THADA: variants seen among roughly 807,000 people sequenced by gnomAD.
The protein encoded by THADA is THADA armadillo repeat containing, also known as tRNA (32-2'-O)-methyltransferase regulator THADA.
Under a neutral mutation model 219.8 loss-of-function variants are expected in THADA, and 213 were observed. That is an observed-to-expected ratio of 0.97 (90% CI 0.87 to 1.09). The LOEUF (loss-of-function observed/expected upper bound fraction) is 1.09. THADA is among the 50% of genes least tolerant of loss of function. The pLI, the probability that THADA is intolerant of heterozygous loss-of-function variation, is 0.00. For synonymous variants in THADA, 1,018 were observed against 828.9 expected (o/e 1.23, Z -3.92); for missense variants, 2,956 against 2,311.3 (o/e 1.28, Z -5.72).
chr2:43,376,409 A>G (rs1199150704), intron 29 of THADA, among the ~76,000 whole-genome samples: 1 of 152,238 alleles, frequency 6.6e-6, no homozygotes, highest in Non-Finnish European at 1.5e-5. Flanking sequence ...AATACACAGA[A>G]GCAATGTCCC....
intron 36 of THADA, among the ~76,000 whole-genome samples, chr2:43,238,919 G>A (rs1447531843): frequency 1.3e-5 from 2 of 151,958 alleles, no homozygotes; most frequent in Non-Finnish European, 2.9e-5. Flanking sequence ...GGAGGAAGAC[G>A]TCAATGTGGG....
chr2:43,566,064 G>A lies in THADA; in HGVS notation c.2311+634C>T, dbSNP rs140321172. On this transcript the variant is annotated intron_variant, in intron 15 of 37. Coordinates refer to ENST00000405975, the MANE Select transcript of THADA (RefSeq NM_022065.5). The stretch of plus-strand genomic sequence containing the variant: ...GATCACGCCACCACACTCCAGCCTG[G>A]GCAACAGAGCTAGACTCTGTCTCAA... 116 of 162,556 alleles carry A rather than the reference G, an allele frequency of 7.1e-4. 1 individual carries two copies. Among genetic ancestry groups the A allele is most frequent in the African/African-American group, 2.5e-3 (106 of 41,742 alleles). The allele number at this position is 162,556 out of a possible 1,614,324, so 10.1% of individuals were successfully genotyped here.
At chr2:43,458,530 C>G (rs772468503) in intron 26 of THADA, among the ~76,000 whole-genome samples, 2 of 152,162 alleles carry the variant, frequency 1.3e-5, no homozygotes, top group Non-Finnish European at 2.9e-5. Context: ...TCTGCAAGTA[C>G]TTTGAAATCA....
intron 26 of THADA, among the ~76,000 whole-genome samples, chr2:43,437,084 T>C (rs889120137): frequency 1.3e-5 from 2 of 152,216 alleles, no homozygotes; most frequent in Non-Finnish European, 2.9e-5. Flanking sequence ...GGTTGGTTAC[T>C]CCTGCTATAA....
rs371326573 is a variant in THADA, at chr2:43,578,547, G to C, written c.782C>G (p.Thr261Ser). 2 of 1,612,576 alleles carry C rather than the reference G, an allele frequency of 1.2e-6. No homozygotes were observed. Among genetic ancestry groups the C allele is most frequent in the Non-Finnish European group, 1.7e-6 (2 of 1,178,938 alleles). The change falls in exon 9 of 38, where the codon ACT (threonine) becomes AGT (serine). Residue 261 changes from threonine (T) to serine (S), a missense_variant. By Grantham distance (58) the Thr-to-Ser change is moderately conservative. Coordinates refer to ENST00000405975, the MANE Select transcript of THADA (RefSeq NM_022065.5). Reference sequence around the variant, plus strand: ...AATCTTTTCAGACGGGTGAAACATAGTCTTAATAAAAAGAATAATAGCTAA... The same window carrying C: ...AATCTTTTCAGACGGGTGAAACATACTCTTAATAAAAAGAATAATAGCTAA... ...SGLAIILFIK[T>S]MFHPSEKIPH...
At chr2:43,304,077 C>T (rs1434018581) in intron 31 of THADA, among the ~76,000 whole-genome samples, 1 of 152,140 alleles carries the variant, frequency 6.6e-6, no homozygotes, top group Non-Finnish European at 1.5e-5. Context: ...TGTTTTTGTA[C>T]ACCATGGCCC....
intron 29 of THADA, among the ~76,000 whole-genome samples, chr2:43,374,910 A>G (rs1254884393): frequency 6.6e-6 from 1 of 152,178 alleles, no homozygotes; most frequent in East Asian, 1.9e-4. Context: ...GTGTATGAAT[A>G]AACAAATTGT....
rs1414387585 is a variant in THADA at position 43,541,245 on chromosome 2, C to T, written c.3178G>A (p.Val1060Ile). The T allele has an allele frequency of 5.0e-6, 8 of 1,611,954 alleles. No individual in the cohort carries two copies. The highest frequency in any genetic ancestry group is 1.7e-4 in the Middle Eastern group (1 of 6,044). ...CACAACATGCCTAAAAGTAAAGCAACTTCCTTCATACTTCTCCAACAACAT... is the reference window on the plus strand; with the variant it reads ...CACAACATGCCTAAAAGTAAAGCAATTTCCTTCATACTTCTCCAACAACAT... ...LVCCWRSMKE[V>I]ALLLGMLCQL... Residue 1060 changes from valine to isoleucine, a missense_variant, in exon 21 of 38, where the codon GTT becomes ATT. Physicochemically the swap from Val to Ile is conservative, Grantham distance 29. Transcript: ENST00000405975.
At position 43,353,493 on chromosome 2, in the gene THADA, TAA is replaced by T. The variant is rs376787984; in HGVS notation, c.4228-9258_4228-9257del. On this transcript the variant is annotated intron_variant, in intron 29 of 37. Transcript: ENST00000405975. ...TTTTCATGTCATCTTTTTTGAGATATAAAAGAGATGGGTATTCAAGTTCGTTG... is the reference window on the plus strand; with the variant it reads ...TTTTCATGTCATCTTTTTTGAGATATAAGAGATGGGTATTCAAGTTCGTTG... 1.1e-3 allele frequency among the ~76,000 whole-genome samples: 173 copies of T among 152,302 alleles called. No individual in the cohort carries two copies. In the Middle Eastern group the frequency reaches 0.02, roughly 18 times the overall value.
At chr2:43,388,587 T>A (rs1431790612) in intron 29 of THADA, among the ~76,000 whole-genome samples, 1 of 152,210 alleles carries the variant, frequency 6.6e-6, no homozygotes, top group Non-Finnish European at 1.5e-5. Context: ...AGGGAGAGGA[T>A]GTAATTCAAA....
Position 43,430,078 on chromosome 2 carries a change from T to C in THADA, c.3926+135A>G, listed in dbSNP as rs531952094. On this transcript the variant is annotated intron_variant, in intron 27 of 37. Coordinates refer to ENST00000405975, the MANE Select transcript of THADA (RefSeq NM_022065.5). ...GCTTGGGTGACAGGGAAAGACCCTG[T>C]CTCAAGGAAAAAATTTAAACAAATT... The C allele has an allele frequency of 1.7e-4, 81 of 480,708 alleles. 1 individual carries two copies. In the Admixed American group the frequency reaches 2.6e-3, roughly 15 times the overall value. The allele number at this position is 480,708 out of a possible 1,614,324, so 29.8% of individuals were successfully genotyped here. A position where few individuals can be genotyped will look rare whatever the true frequency, so the allele number is the denominator to read the frequency against.
intron 29 of THADA, among the ~76,000 whole-genome samples, chr2:43,353,513 G>T (rs987873224): frequency 1.3e-5 from 2 of 152,118 alleles, no homozygotes; most frequent in African/African-American, 4.8e-5. Context: ...GGGTATTCAA[G>T]TTCGTTGCCC....
chr2:43,279,245 C>G (rs572225396), intron 36 of THADA, among the ~76,000 whole-genome samples: 24 of 152,174 alleles, frequency 1.6e-4, no homozygotes, highest in Non-Finnish European at 2.8e-4. Context: ...TTCCACTCCC[C>G]TCCTCCCTCC....
At chr2:43,454,282 C>T (rs1401790015) in intron 26 of THADA, among the ~76,000 whole-genome samples, 1 of 152,124 alleles carries the variant, frequency 6.6e-6, no homozygotes. Context: ...TTTGTCCATT[C>T]TAGACCTTTT....
chr2:43,337,372 C>T (rs1387105882), intron 30 of THADA, among the ~76,000 whole-genome samples: 1 of 152,156 alleles, frequency 6.6e-6, no homozygotes, highest in African/African-American at 2.4e-5. Flanking sequence ...TGGTGTGTCT[C>T]CCCAGTTGTT....
chr2:43,425,487 T>TGTGTGTGA (rs1311743033), intron 28 of THADA, among the ~76,000 whole-genome samples: 1 of 146,766 alleles, frequency 6.8e-6, no homozygotes, highest in Non-Finnish European at 1.5e-5. Flanking sequence ...TGTGTGTGTG[T>TGTGTGTGA]GATGGTATTA....
intron 29 of THADA, among the ~76,000 whole-genome samples, chr2:43,373,888 T>C (rs905741168): frequency 4.6e-5 from 7 of 152,240 alleles, no homozygotes; most frequent in Non-Finnish European, 8.8e-5. Context: ...AGTTCCCTTA[T>C]TAATTAATGA....
rs372845073 is a variant in THADA, at chr2:43,460,483, C to A, written c.3836+24751G>T. Reference sequence around the variant, plus strand: ...GAAAAGCCAAAAAATAAACCTGGTACAAAGGTACTCAGTGGTTCTGAAAAT... The same window carrying A: ...GAAAAGCCAAAAAATAAACCTGGTAAAAAGGTACTCAGTGGTTCTGAAAAT... On this transcript the variant is annotated intron_variant, in intron 26 of 37. Coordinates refer to ENST00000405975, the MANE Select transcript of THADA (RefSeq NM_022065.5). Among the ~76,000 whole-genome samples, 9 of 152,160 alleles carry A rather than the reference C, an allele frequency of 5.9e-5. No individual in the cohort carries two copies. In the East Asian group the frequency reaches 1.7e-3, roughly 29 times the overall value.
chr2:43,497,173 A>G lies in THADA; in HGVS notation c.3744+1660T>C, dbSNP rs140600722. Among the ~76,000 whole-genome samples, 1,241 of 152,376 alleles carry G rather than the reference A, an allele frequency of 8.1e-3. 11 individuals carry two copies. Among genetic ancestry groups the G allele is most frequent in the Non-Finnish European group, 0.013 (912 of 68,032 alleles). On this transcript the variant is annotated intron_variant, in intron 25 of 37. Coordinates refer to ENST00000405975, the MANE Select transcript of THADA (RefSeq NM_022065.5). ...AACCAGAAATACCATTTGACCCAAC[A>G]ATGCCATTACTGGATATATACCCAA...
Sources: allele counts gnomAD v4.1 joint callset (sites outside exome capture counted in the v4.1 genomes callset), GRCh38; gene constraint gnomAD v4.1.1; transcripts MANE v1.5; gene names NCBI Gene and HGNC (gene_info 2026-07-23, HGNC 2026-07-21).